The following GFRA2 variants were observed in gnomAD, a reference collection of about 807,000 sequenced individuals.
The protein encoded by GFRA2 is GDNF family receptor alpha 2.
In GFRA2, 17 loss-of-function variants were observed where a neutral mutation model predicts 48.3. That is an observed-to-expected ratio of 0.35 (90% CI 0.24 to 0.53). The LOEUF is 0.53. Among genes scored for constraint, GFRA2 ranks in the 20% least tolerant of loss-of-function variants. The pLI is 0.93. For synonymous variants in GFRA2, 305 were observed against 257.2 expected (o/e 1.19, Z -1.78); for missense variants, 660 against 637.3 (o/e 1.04, Z -0.38).
chr8:21,716,791 C>T (rs931244892), intron 4 of GFRA2, among the ~76,000 whole-genome samples: 2 of 152,184 alleles, frequency 1.3e-5, no homozygotes, highest in African/African-American at 4.8e-5. Context: ...TTTTCAATGC[C>T]AATGAGACAT....
intron 2 of GFRA2, among the ~76,000 whole-genome samples, chr8:21,780,115 A>T (rs1292292953): frequency 6.6e-6 from 1 of 151,168 alleles, no homozygotes; most frequent in Non-Finnish European, 1.5e-5. Context: ...TTCTGGAAAG[A>T]GTCATCTGCA....
intron 7 of GFRA2, among the ~76,000 whole-genome samples, chr8:21,698,501 C>T (rs1215322256): frequency 6.6e-6 from 1 of 152,180 alleles, no homozygotes; most frequent in African/African-American, 2.4e-5. Flanking sequence ...TGGTCTGGCC[C>T]AGGCGCTAGT....
intron 4 of GFRA2, among the ~76,000 whole-genome samples, chr8:21,743,912 C>T (rs1228521754): frequency 2.6e-5 from 4 of 152,158 alleles, no homozygotes; most frequent in Non-Finnish European, 2.9e-5. Context: ...ATGAAGGCAA[C>T]AAATTTCTTT....
Position 21,780,556 on chromosome 8 carries a change from C to A in GFRA2, c.355+2029G>T, listed in dbSNP as rs1585334873. On this transcript the variant is annotated intron_variant, in intron 2 of 8. Coordinates refer to ENST00000524240, the MANE Select transcript of GFRA2 (RefSeq NM_001495.5). ...CTGGTTTCTACCTGCAGGCTCATGT[C>A]CCTTCCTCAGTCTCGCTCAGACCCA... Among the ~76,000 whole-genome samples, 3 of 152,118 alleles carry A rather than the reference C, an allele frequency of 2.0e-5. No homozygotes were observed. In the East Asian group the frequency reaches 5.8e-4, roughly 29 times the overall value.
At chr8:21,749,365 C>T (rs144262081) in intron 4 of GFRA2, among the ~76,000 whole-genome samples, 8 of 151,832 alleles carry the variant, frequency 5.3e-5, no homozygotes, top group Admixed American at 2.6e-4. Context: ...AACCCTGTGA[C>T]GTGGGTATTT....
chr8:21,767,206 C>T (rs1380966475), intron 3 of GFRA2, among the ~76,000 whole-genome samples: 1 of 148,890 alleles, frequency 6.7e-6, no homozygotes, highest in African/African-American at 2.5e-5. Context: ...TACACATATC[C>T]ACCATGCCCA....
Position 21,771,511 on chromosome 8 carries a change from T to C in GFRA2, c.439+3461A>G, listed in dbSNP as rs1028115756. Among the ~76,000 whole-genome samples, 90 of 152,300 alleles carry C rather than the reference T, an allele frequency of 5.9e-4. 1 individual carries two copies. Among genetic ancestry groups the C allele is most frequent in the African/African-American group, 2.1e-3 (89 of 41,558 alleles). Reference sequence around the variant, plus strand: ...GAGCCCAGGGCCTGTCAGGCAGCACTGGGCAGAGAGGAGGGAAGAAGCTGC... The same window carrying C: ...GAGCCCAGGGCCTGTCAGGCAGCACCGGGCAGAGAGGAGGGAAGAAGCTGC... On this transcript the variant is annotated intron_variant, in intron 3 of 8. Coordinates refer to ENST00000524240, the MANE Select transcript of GFRA2 (RefSeq NM_001495.5).
intron 4 of GFRA2, among the ~76,000 whole-genome samples, chr8:21,713,366 T>C (rs1021979452): frequency 4.6e-5 from 7 of 151,914 alleles, no homozygotes; most frequent in Non-Finnish European, 8.8e-5. Context: ...TGGCTCGTTT[T>C]TGTATTTTTA....
Position 21,693,078 on chromosome 8 carries a change from G to C in GFRA2, c.*200C>G. 2 of 428,728 alleles carry C rather than the reference G, an allele frequency of 4.7e-6. No individual in the cohort carries two copies. The highest frequency in any genetic ancestry group is 8.1e-6 in the Non-Finnish European group (2 of 247,178). The allele number at this position is 428,728 out of a possible 1,614,324, so 26.6% of individuals were successfully genotyped here. On this transcript the variant is annotated 3_prime_UTR_variant, in exon 9 of 9. Coordinates refer to ENST00000524240, the MANE Select transcript of GFRA2 (RefSeq NM_001495.5). Reference sequence around the variant, plus strand: ...CAGGGGACCCCTGGGCCAGCTCTCAGGCTGCCTGCCTGCTTGTCTGTTTGG... The same window carrying C: ...CAGGGGACCCCTGGGCCAGCTCTCACGCTGCCTGCCTGCTTGTCTGTTTGG...
chr8:21,788,050 GC>G, intron 1 of GFRA2, 69 bp downstream of exon 1: 1 of 494,646 alleles, frequency 2.0e-6, no homozygotes, highest in Non-Finnish European at 3.3e-6. Flanking sequence ...CCCCCCACCG[GC>G]GCTCCGCTCG....
In GFRA2 at chr8:21,750,088, T is replaced by TACACACAC. The variant is rs531507245; in HGVS notation, c.794+492_794+499dup. Among the ~76,000 whole-genome samples the TACACACAC allele has an allele frequency of 2.7e-5, 4 of 147,496 alleles. No homozygotes were observed. The highest frequency in any genetic ancestry group is 7.5e-5 in the African/African-American group (3 of 40,164). On this transcript the variant is annotated intron_variant, in intron 4 of 8. Transcript: ENST00000524240. The surrounding 1 kb of genome is among the most constrained non-coding windows in gnomAD (Gnocchi z 5.7). The stretch of plus-strand genomic sequence containing the variant: ...GTGTATATATGTGTGTGTGTGTGTA[T>TACACACAC]ACACACACACACACACACACACGCA...
In GFRA2 at chr8:21,782,718, G is replaced by A; in HGVS notation, c.222C>T (p.Ala74=). ...LAGRDRNTML[A]NKECQAALEV... is the part of the protein sequence containing the mutation. ...CCAAGGCCGCCTGGCACTCCTTGTTGGCCAGCATGGTGTTGCGGTCGCGGC... is the reference window on the plus strand; with the variant it reads ...CCAAGGCCGCCTGGCACTCCTTGTTAGCCAGCATGGTGTTGCGGTCGCGGC... Residue 74 remains alanine (A), a synonymous_variant, in exon 2 of 9, where the codon GCC becomes GCT. Coordinates refer to ENST00000524240, the MANE Select transcript of GFRA2 (RefSeq NM_001495.5). 6.3e-7 allele frequency: 1 copy of A among 1,597,072 alleles called. No homozygotes were observed. The highest frequency in any genetic ancestry group is 8.5e-7 in the Non-Finnish European group (1 of 1,172,384).
At position 21,694,416 on chromosome 8, in the gene GFRA2, C is replaced by G. The variant is rs373349089; in HGVS notation, c.1272+48G>C. On this transcript the variant is annotated intron_variant, in intron 8 of 8. Coordinates refer to ENST00000524240, the MANE Select transcript of GFRA2 (RefSeq NM_001495.5). ...AGGCTCGCCGGGGAAATGCCGCCCC[C>G]CACCGGCCCAGCCTTCTGCACCCAT... 19 of 1,557,442 alleles carry G rather than the reference C, an allele frequency of 1.2e-5. No individual in the cohort carries two copies. In the African/African-American group the frequency reaches 1.6e-4, roughly 13 times the overall value.
At chr8:21,782,484 G>T (rs1807042091) in intron 2 of GFRA2, 101 bp downstream of exon 2, 27 of 870,376 alleles carry the variant, frequency 3.1e-5, no homozygotes, top group Non-Finnish European at 4.8e-5. Context: ...TGGCCAGTTT[G>T]CGCCACCACC....
chr8:21,693,367 C>A lies in GFRA2; in HGVS notation c.1306G>T (p.Val436Leu). 1 of 1,612,918 alleles carries A rather than the reference C, an allele frequency of 6.2e-7. No homozygotes were observed. Among genetic ancestry groups the A allele is most frequent in the African/African-American group, 1.3e-5 (1 of 74,986 alleles). ...TTNIIPGSNK[V>L]IKPNSGPSRA... ...CTGGGGCCTGAGTTAGGTTTGATCACCTTGTTACTCCCTGGGATGATATTT... is the reference window on the plus strand; with the variant it reads ...CTGGGGCCTGAGTTAGGTTTGATCAACTTGTTACTCCCTGGGATGATATTT... The change falls in exon 9 of 9, where the codon GTG becomes TTG. Residue 436 changes from valine to leucine, a missense_variant. Val to Leu is a conservative substitution (Grantham distance 32). Transcript: ENST00000524240.
chr8:21,767,567 C>A (rs1416521043), intron 3 of GFRA2, among the ~76,000 whole-genome samples: 5 of 152,352 alleles, frequency 3.3e-5, no homozygotes, highest in Admixed American at 3.3e-4. Flanking sequence ...TCAGGGAGCC[C>A]GGAGCCCCAC....
chr8:21,750,087 A>G lies in GFRA2; in HGVS notation c.794+501T>C, dbSNP rs375734315. Among the ~76,000 whole-genome samples the G allele has an allele frequency of 1.7e-3, 232 of 136,944 alleles. No homozygotes were observed. The highest frequency in any genetic ancestry group is 7.0e-3 in the African/African-American group (213 of 30,528). The allele number at this position is 136,944 out of a possible 152,430, so 89.8% of individuals were successfully genotyped here. ...TGTGTATATATGTGTGTGTGTGTGT[A>G]TACACACACACACACACACACACGC... On this transcript the variant is annotated intron_variant, in intron 4 of 8. Transcript: ENST00000524240. The surrounding 1 kb of genome is among the most constrained non-coding windows in gnomAD (Gnocchi z 5.7).
chr8:21,728,379 A>G (rs1432943953), intron 4 of GFRA2, among the ~76,000 whole-genome samples: 1 of 147,906 alleles, frequency 6.8e-6, no homozygotes, highest in Non-Finnish European at 1.5e-5. Flanking sequence ...GGTTCAAGCA[A>G]TTCTCCTGCC....
At chr8:21,742,613 G>T (rs912752973) in intron 4 of GFRA2, among the ~76,000 whole-genome samples, 3 of 152,244 alleles carry the variant, frequency 2.0e-5, no homozygotes, top group Non-Finnish European at 4.4e-5. Flanking sequence ...GGGAGCCAGT[G>T]TGAACAATGC....
Sources: gnomAD v4.1 joint callset for allele counts (sites outside exome capture counted in the v4.1 genomes callset) on GRCh38, gnomAD v4.1.1 for gene constraint, Gnocchi (gnomAD v3.1) non-coding constraint, MANE v1.5 for transcripts, NCBI Gene and HGNC (gene_info 2026-07-23, HGNC 2026-07-21) for gene names.